Variants in FTO observed in about 807,000 individuals in gnomAD.
FTO encodes the protein FTO alpha-ketoglutarate dependent dioxygenase.
A neutral mutation model predicts 63.9 loss-of-function variants in FTO; 47 were observed. That is an observed-to-expected ratio of 0.74 (90% confidence interval 0.58 to 0.94). FTO has a LOEUF of 0.94. FTO is among the 40% of genes least tolerant of loss of function. The pLI is 0.00. For synonymous variants in FTO, 207 were observed against 224.4 expected, an observed-to-expected ratio of 0.92 and a Z score of 0.69; for missense variants, 562 against 618.1, an observed-to-expected ratio of 0.91 and a Z score of 0.96.
intron 7 of FTO, among the ~76,000 whole-genome samples, chr16:53,909,792 G>C (rs925242773): frequency 2.6e-5 from 4 of 151,986 alleles, no homozygotes; most frequent in Admixed American, 6.6e-5. Flanking sequence ...TCGAACTCCT[G>C]ACCTCAGGTG....
At chr16:53,857,415 T>C (rs1267939404) in intron 4 of FTO, among the ~76,000 whole-genome samples, 1 of 151,776 alleles carries the variant, frequency 6.6e-6, no homozygotes, top group African/African-American at 2.4e-5. Flanking sequence ...TGTCACCTAC[T>C]ACTACTAAGC....
intron 8 of FTO, among the ~76,000 whole-genome samples, chr16:54,077,765 G>A (rs1243249296): frequency 2.0e-5 from 3 of 152,144 alleles, no homozygotes; most frequent in African/African-American, 7.2e-5. Flanking sequence ...GGGGAGCTGA[G>A]TCAGAAGGAA....
chr16:54,107,195 G>A (rs2086775323), intron 8 of FTO, among the ~76,000 whole-genome samples: 1 of 151,554 alleles, frequency 6.6e-6, no homozygotes, highest in Admixed American at 6.6e-5. Context: ...TCATGAAAGG[G>A]GCAGTATTTT....
intron 8 of FTO, among the ~76,000 whole-genome samples, chr16:54,013,204 C>T (rs1171791200): frequency 6.6e-6 from 1 of 152,104 alleles, no homozygotes; most frequent in Non-Finnish European, 1.5e-5. Flanking sequence ...CTTTGAGGGG[C>T]TTAAGACTTC....
chr16:53,787,869 C>T (rs1342068166), intron 1 of FTO, among the ~76,000 whole-genome samples: 1 of 152,160 alleles, frequency 6.6e-6, no homozygotes, highest in Non-Finnish European at 1.5e-5. Flanking sequence ...CTATTCATTG[C>T]TATTGGTTTA....
chr16:53,977,517 C>T (rs1400684118), intron 8 of FTO, among the ~76,000 whole-genome samples: 1 of 152,182 alleles, frequency 6.6e-6, no homozygotes, highest in African/African-American at 2.4e-5. Context: ...TGAAGCTTAT[C>T]CAAAGCTTGA....
Position 54,052,080 on chromosome 16 carries a change from C to T in FTO, c.1365-59682C>T, listed in dbSNP as rs947022405. ...CACCGATAATAGCATCCTGCCTTGA[C>T]TGAGGGTGAGGGTGTGCAAGATGGA... is the stretch of plus-strand genomic sequence containing the variant. On this transcript the variant is annotated intron_variant, in intron 8 of 8. Coordinates refer to ENST00000471389, the MANE Select transcript of FTO (RefSeq NM_001080432.3). Among the ~76,000 whole-genome samples, 7 of 152,184 alleles carry T rather than the reference C, an allele frequency of 4.6e-5. No homozygotes were observed. The South Asian group carries it at 1.4e-3, about 31-fold the overall frequency.
At chr16:54,089,202 A>C (rs994575669) in intron 8 of FTO, among the ~76,000 whole-genome samples, 75 of 152,358 alleles carry the variant, frequency 4.9e-4, no homozygotes, top group African/African-American at 1.6e-3. Context: ...GCACAAGTAG[A>C]GAATGGAAAC....
At chr16:53,784,045 A>AT (rs551798808) in intron 1 of FTO, among the ~76,000 whole-genome samples, 19 of 152,318 alleles carry the variant, frequency 1.2e-4, no homozygotes, top group African/African-American at 3.8e-4. Context: ...CAGTAACTCT[A>AT]TAGTCACTTA....
intron 2 of FTO, among the ~76,000 whole-genome samples, chr16:53,819,095 A>G (rs1457256597): frequency 6.6e-6 from 1 of 152,232 alleles, no homozygotes; most frequent in East Asian, 1.9e-4. Flanking sequence ...ATGTATTACT[A>G]TTATAAAATG....
chr16:53,803,175 G>A (rs913536492), intron 1 of FTO, among the ~76,000 whole-genome samples: 2 of 152,154 alleles, frequency 1.3e-5, no homozygotes, highest in Non-Finnish European at 2.9e-5. Context: ...TGTGCTTGCT[G>A]TTCCTTTAAG....
intron 4 of FTO, among the ~76,000 whole-genome samples, chr16:53,855,545 T>C (rs897148230): frequency 1.1e-4 from 15 of 130,474 alleles, no homozygotes; most frequent in Non-Finnish European, 2.3e-4. Context: ...AAGAACTGGC[T>C]TTTTTTTTTC....
intron 4 of FTO, among the ~76,000 whole-genome samples, chr16:53,860,266 A>G (rs1023861128): frequency 1.3e-5 from 2 of 152,336 alleles, no homozygotes; most frequent in East Asian, 1.9e-4. Context: ...GAATCTAACA[A>G]TGTTATACTC....
At position 53,825,992 on chromosome 16, in the gene FTO, G is replaced by C. The variant is rs753462430; in HGVS notation, c.252G>C (p.Arg84Ser). The change falls in exon 3 of 9, where the codon AGG becomes AGC. Residue 84 changes from arginine to serine, a missense_variant. Coordinates refer to ENST00000471389, the MANE Select transcript of FTO (RefSeq NM_001080432.3). ...KHGCLFRDLV[R>S]IQGKDLLTPV... ...GCTGCTTATTTCGGGACCTGGTTAG[G>C]ATCCAAGGCAAAGATCTGCTCACTC... 4.6e-5 allele frequency: 75 copies of C among 1,614,042 alleles called. No individual in the cohort carries two copies. The highest frequency in any genetic ancestry group is 4.3e-4 in the Admixed American group (26 of 59,992).
intron 1 of FTO, among the ~76,000 whole-genome samples, chr16:53,712,763 T>G (rs1371840156): frequency 6.6e-6 from 1 of 152,182 alleles, no homozygotes; most frequent in Non-Finnish European, 1.5e-5. Context: ...AAGGAGACAT[T>G]AATAAGTATC....
At chr16:53,976,159 A>C (rs1396446884) in intron 8 of FTO, among the ~76,000 whole-genome samples, 1 of 152,026 alleles carries the variant, frequency 6.6e-6, no homozygotes, top group Non-Finnish European at 1.5e-5. Context: ...TTTCTCTTAC[A>C]GTTTTTGTGC....
intron 8 of FTO, among the ~76,000 whole-genome samples, chr16:54,067,165 A>T (rs2085752261): frequency 7.0e-6 from 1 of 143,064 alleles, no homozygotes. Flanking sequence ...CTTTTTTTGA[A>T]TAGACTTAAA....
chr16:54,032,416 A>C (rs1249087889), intron 8 of FTO, among the ~76,000 whole-genome samples: 1 of 152,208 alleles, frequency 6.6e-6, no homozygotes, highest in East Asian at 1.9e-4. Flanking sequence ...AGATACAGCC[A>C]TGTAAATTAG....
chr16:53,742,370 T>G (rs2076548244), intron 1 of FTO, among the ~76,000 whole-genome samples: 1 of 152,200 alleles, frequency 6.6e-6, no homozygotes, highest in Admixed American at 6.5e-5. Flanking sequence ...AAGGCAAGTT[T>G]TTTTTGGTGA....
Sources: allele counts gnomAD v4.1 joint callset (sites outside exome capture counted in the v4.1 genomes callset), GRCh38; gene constraint gnomAD v4.1.1; transcripts MANE v1.5; gene names NCBI Gene and HGNC (gene_info 2026-07-23, HGNC 2026-07-21).